Variants in CLNK observed in about 807,000 individuals in gnomAD.
The protein encoded by CLNK is cytokine-dependent hematopoietic cell linker.
In CLNK, 74 loss-of-function variants were observed where a neutral mutation model predicts 68.6. The observed-to-expected ratio is 1.08, with a 90% CI of 0.89 to 1.31. The LOEUF is 1.31. Among genes scored for constraint, CLNK ranks in the 50% most tolerant of loss-of-function variants. The pLI is 0.00. For missense variants in CLNK, 553 were observed against 515.3 expected, an observed-to-expected ratio of 1.07 and a Z score of -0.71; for synonymous variants, 198 against 172.2, an observed-to-expected ratio of 1.15 and a Z score of -1.17.
chr4:10,577,087 A>G (rs1239317071), intron 4 of CLNK, among the ~76,000 whole-genome samples: 4 of 152,204 alleles, frequency 2.6e-5, no homozygotes, highest in Admixed American at 2.6e-4. Flanking sequence ...ATCTTGCATG[A>G]GAAGAGAAAT....
the CLNK span, among the ~76,000 whole-genome samples, chr4:10,710,454 C>T: frequency 6.6e-6 from 1 of 152,162 alleles, no homozygotes. Context: ...TTCTGGAATG[C>T]GTTCCTTATC....
At chr4:10,493,069 C>G (rs1247471902) in intron 18 of CLNK, among the ~76,000 whole-genome samples, 1 of 152,230 alleles carries the variant, frequency 6.6e-6, no homozygotes, top group Non-Finnish European at 1.5e-5. Flanking sequence ...GTAATCCCAG[C>G]ACTTTGGGAT....
chr4:10,687,692 G>A (rs73216749), upstream of CLNK, among the ~76,000 whole-genome samples: 15,266 of 152,180 alleles, frequency 0.1, 943 homozygotes, highest in South Asian at 0.16. Context: ...AAGGAAGAGC[G>A]TGACACAGAA....
intron 2 of CLNK, among the ~76,000 whole-genome samples, chr4:10,614,505 C>T (rs1194344386): frequency 6.6e-6 from 1 of 152,092 alleles, no homozygotes; most frequent in East Asian, 1.9e-4. Flanking sequence ...GCTAACTGGC[C>T]AGATCTGTTT....
chr4:10,560,536 C>T (rs894609179), intron 7 of CLNK, among the ~76,000 whole-genome samples: 3 of 152,158 alleles, frequency 2.0e-5, no homozygotes, highest in South Asian at 4.1e-4. Context: ...CTTGACCTCC[C>T]GGGCTCAAGC....
chr4:10,699,512 A>ATG, the CLNK span, among the ~76,000 whole-genome samples: 12 of 32,764 alleles, frequency 3.7e-4, no homozygotes, highest in South Asian at 1.3e-3. Flanking sequence ...ATATATATAT[A>ATG]TTTTTTTTTT....
chr4:10,658,231 G>C (rs1326761945), intron 2 of CLNK, among the ~76,000 whole-genome samples: 1 of 152,202 alleles, frequency 6.6e-6, no homozygotes, highest in Non-Finnish European at 1.5e-5. Context: ...ATCACTTGCT[G>C]ATTTATTATT....
intron 6 of CLNK, among the ~76,000 whole-genome samples, chr4:10,565,705 G>A (rs527312122): frequency 3.9e-5 from 6 of 152,146 alleles, no homozygotes; most frequent in South Asian, 2.1e-4. Context: ...GGAGAGCATC[G>A]TGATAATAAC....
At chr4:10,710,237 G>C in the CLNK span, among the ~76,000 whole-genome samples, 1 of 152,122 alleles carries the variant, frequency 6.6e-6, no homozygotes, top group African/African-American at 2.4e-5. Flanking sequence ...CACAGCCTTT[G>C]TATTTCTGGG....
the CLNK span, among the ~76,000 whole-genome samples, chr4:10,726,280 C>T: frequency 2.0e-5 from 3 of 152,142 alleles, no homozygotes; most frequent in African/African-American, 7.2e-5. Context: ...GCCACCACAC[C>T]CAGCTAATTT....
the CLNK span, among the ~76,000 whole-genome samples, chr4:10,701,746 C>A: frequency 6.6e-6 from 1 of 152,180 alleles, no homozygotes; most frequent in South Asian, 2.1e-4. Flanking sequence ...GACGGGAAAA[C>A]TGAGGCACAG....
At chr4:10,694,610 G>A in the CLNK span, among the ~76,000 whole-genome samples, 5 of 152,064 alleles carry the variant, frequency 3.3e-5, no homozygotes, top group African/African-American at 1.2e-4. Context: ...TTGTGCAGGA[G>A]GCTATTGTTT....
intron 14 of CLNK, among the ~76,000 whole-genome samples, chr4:10,523,588 A>G (rs1383242983): frequency 1.4e-5 from 2 of 140,608 alleles, no homozygotes; most frequent in East Asian, 2.0e-4. Context: ...AAGGGTCTTT[A>G]TGTAATAAAT....
the CLNK span, among the ~76,000 whole-genome samples, chr4:10,690,598 C>A: frequency 6.6e-6 from 1 of 152,180 alleles, no homozygotes; most frequent in Non-Finnish European, 1.5e-5. Flanking sequence ...CCCAGAAGGA[C>A]CTCATGAGGC....
chr4:10,571,326 CTTTTTTTTTTTT>C (rs60429766), intron 5 of CLNK, among the ~76,000 whole-genome samples: 1 of 64,600 alleles, frequency 1.5e-5, no homozygotes, highest in Non-Finnish European at 2.7e-5. Flanking sequence ...GTTGCTGTTG[CTTTTTTTTTTTT>C]TTTTTTTTTT....
chr4:10,573,589 A>G (rs1324434375), intron 4 of CLNK, among the ~76,000 whole-genome samples: 3 of 152,182 alleles, frequency 2.0e-5, no homozygotes, highest in African/African-American at 4.8e-5. Context: ...GCTGGCCCGG[A>G]AGGAGCAAAT....
the CLNK span, among the ~76,000 whole-genome samples, chr4:10,729,278 G>A: frequency 6.6e-6 from 1 of 152,164 alleles, no homozygotes; most frequent in South Asian, 2.1e-4. Context: ...ATGTTGGAGA[G>A]GGTGTGGAGA....
upstream of CLNK, among the ~76,000 whole-genome samples, chr4:10,688,404 A>T (rs1242700077): frequency 3.3e-5 from 5 of 152,104 alleles, no homozygotes; most frequent in Admixed American, 2.0e-4. Flanking sequence ...AGGGGGAAAA[A>T]CCCAAAGAGA....
intron 18 of CLNK, 121 bp from the exon 19 acceptor site, chr4:10,490,734 AT>A (rs1716534348): frequency 2.6e-6 from 2 of 758,302 alleles, no homozygotes; most frequent in Admixed American, 6.0e-5. Flanking sequence ...CAATGTTTGT[AT>A]GGTAAAGGTG....
Sources: gnomAD v4.1 joint callset for allele counts (sites outside exome capture counted in the v4.1 genomes callset) on GRCh38, gnomAD v4.1.1 for gene constraint, MANE v1.5 for transcripts, NCBI Gene and HGNC (gene_info 2026-07-23, HGNC 2026-07-21) for gene names.